HMCN1: variants seen among roughly 807,000 people sequenced by gnomAD.
The protein encoded by HMCN1 is hemicentin-1.
A neutral mutation model predicts 625.9 loss-of-function variants in HMCN1; 321 were observed. The ratio of observed to expected loss-of-function variants is 0.51; its 90% CI spans 0.47 to 0.56. The LOEUF (loss-of-function observed/expected upper bound fraction) is 0.56. HMCN1 is among the 20% of genes least tolerant of loss of function. HMCN1 has a pLI of 0.00. For synonymous variants in HMCN1, 2,425 were observed against 2,417.6 expected (o/e 1.00, Z -0.09); for missense variants, 6,588 against 6,887.3 (o/e 0.96, Z 1.54).
intron 78 of HMCN1, 152 bp downstream of exon 78, chr1:186,119,450 T>TA: frequency 1.4e-6 from 1 of 732,654 alleles, no homozygotes; most frequent in Non-Finnish European, 2.4e-6. Flanking sequence ...TTTAATAGGC[T>TA]AAAAAAGGCA....
chr1:185,914,854 A>G (rs905911855), intron 6 of HMCN1, among the ~76,000 whole-genome samples: 5 of 151,956 alleles, frequency 3.3e-5, no homozygotes, highest in Admixed American at 1.3e-4. Flanking sequence ...TCTATAGACC[A>G]GATTTTGCCA....
chr1:186,096,065 A>G (rs561592389), intron 68 of HMCN1, among the ~76,000 whole-genome samples: 1 of 152,176 alleles, frequency 6.6e-6, no homozygotes, highest in South Asian at 2.1e-4. Flanking sequence ...ACCTTGGAAG[A>G]GAAAGTAAGA....
At chr1:185,798,164 C>T (rs1452931488) in intron 1 of HMCN1, among the ~76,000 whole-genome samples, 13 of 151,958 alleles carry the variant, frequency 8.6e-5, no homozygotes, top group Admixed American at 8.5e-4. Flanking sequence ...TTTGTGAAGC[C>T]TAGTTTAGCA....
intron 58 of HMCN1, 150 bp downstream of exon 58, chr1:186,086,557 A>G: frequency 1.3e-6 from 1 of 785,998 alleles, no homozygotes; most frequent in South Asian, 1.7e-5. Context: ...TGTGGTCATT[A>G]AGGTAAGATT....
intron 16 of HMCN1, among the ~76,000 whole-genome samples, chr1:185,978,324 G>C (rs1651373772): frequency 6.6e-6 from 1 of 152,034 alleles, no homozygotes; most frequent in Non-Finnish European, 1.5e-5. Flanking sequence ...TGTATAGAAA[G>C]ATAAAATATT....
intron 58 of HMCN1, among the ~76,000 whole-genome samples, chr1:186,086,774 GTAGATAGATAGATAGATAGATGA>G (rs372264102): frequency 0.013 from 1,573 of 125,022 alleles, 19 homozygotes; most frequent in African/African-American, 0.023. Flanking sequence ...AGATAGATAG[GTAGATAGATAGATAGATAGATGA>G]TAGATAGATA....
rs1571758029 is a variant in HMCN1, at chr1:186,038,124, A to G, written c.5851+89A>G. ...TTTTGAGCATAATATACTAATTACT[A>G]GTAAAGAACAGGTTATAGAATACAT... On this transcript the variant is annotated intron_variant, in intron 37 of 106. Transcript: ENST00000271588. 61 of 786,276 alleles carry G rather than the reference A, an allele frequency of 7.8e-5. No homozygotes were observed. In the East Asian group the frequency reaches 1.5e-3, roughly 19 times the overall value. The allele number at this position is 786,276 out of a possible 1,614,324, so 48.7% of individuals were successfully genotyped here.
chr1:186,125,533 T>C, intron 81 of HMCN1, 71 bp from the exon 82 acceptor site: 2 of 1,213,910 alleles, frequency 1.6e-6, no homozygotes, highest in Non-Finnish European at 2.4e-6. Context: ...TTTTATGTGT[T>C]AATTTTTATT....
chr1:186,007,634 TGAAGTTG>T (rs1653729381), intron 30 of HMCN1, among the ~76,000 whole-genome samples: 1 of 152,148 alleles, frequency 6.6e-6, no homozygotes, highest in Admixed American at 6.5e-5. Flanking sequence ...TGAAATAGAA[TGAAGTTG>T]ATGATATGCA....
chr1:185,849,909 G>T, intron 2 of HMCN1, among the ~76,000 whole-genome samples: 1 of 150,106 alleles, frequency 6.7e-6, no homozygotes. Context: ...TTTACTATTT[G>T]CTTTTCTCTG....
In HMCN1 at chr1:186,022,924, A is replaced by G. The variant is rs572824501; in HGVS notation, c.5626-106A>G. 41 of 1,147,528 alleles carry G rather than the reference A, an allele frequency of 3.6e-5. No individual in the cohort carries two copies. The African/African-American group carries it at 4.5e-4, about 13-fold the overall frequency. The allele number at this position is 1,147,528 out of a possible 1,614,324, so 71.1% of individuals were successfully genotyped here. On this transcript the variant is annotated intron_variant, in intron 35 of 106. Transcript: ENST00000271588. ...GGTTTATTAAGATATTGGCATGAAA[A>G]TATTGTTAGATATTATAAATTTAAA... is the stretch of plus-strand genomic sequence containing the variant.
chr1:185,958,000 T>C (rs1053821947), intron 11 of HMCN1, among the ~76,000 whole-genome samples: 1 of 152,204 alleles, frequency 6.6e-6, no homozygotes, highest in African/African-American at 2.4e-5. Context: ...TTATTGAAAT[T>C]TCTAGTAAAT....
intron 24 of HMCN1, among the ~76,000 whole-genome samples, chr1:185,995,573 G>A (rs548887040): frequency 3.5e-4 from 54 of 152,196 alleles, no homozygotes; most frequent in African/African-American, 1.2e-3. Context: ...ATGTTTAGGC[G>A]GTGATGAGAA....
At chr1:186,137,059 G>A in intron 87 of HMCN1, 122 bp downstream of exon 87, 2 of 1,199,352 alleles carry the variant, frequency 1.7e-6, no homozygotes, top group South Asian at 2.5e-5. Flanking sequence ...ATGATGGGGA[G>A]AGGACAAAAT....
At chr1:185,994,625 G>C (rs2102041940) in intron 23 of HMCN1, among the ~76,000 whole-genome samples, 190 bp from the exon 24 acceptor site, 1 of 152,074 alleles carries the variant, frequency 6.6e-6, no homozygotes. Flanking sequence ...GATTATCAAG[G>C]AAACAGGCCT....
At chr1:185,963,096 ATT>A (rs1212697976) in intron 12 of HMCN1, among the ~76,000 whole-genome samples, 1 of 152,112 alleles carries the variant, frequency 6.6e-6, no homozygotes, top group African/African-American at 2.4e-5. Flanking sequence ...CATTACTTCC[ATT>A]TTTGCCAAAC....
intron 46 of HMCN1, 109 bp downstream of exon 46, chr1:186,057,510 G>C: frequency 1.3e-6 from 1 of 786,584 alleles, no homozygotes; most frequent in Non-Finnish European, 2.2e-6. Flanking sequence ...TTAACCTACT[G>C]CTTACTGTAA....
At chr1:185,839,849 C>A (rs925781445) in intron 1 of HMCN1, among the ~76,000 whole-genome samples, 1 of 151,952 alleles carries the variant, frequency 6.6e-6, no homozygotes, top group Non-Finnish European at 1.5e-5. Context: ...AAAGTTATAC[C>A]CCTTATTGTT....
chr1:186,136,538 A>T, intron 86 of HMCN1, 130 bp from the exon 87 acceptor site: 1 of 799,388 alleles, frequency 1.3e-6, no homozygotes, highest in Non-Finnish European at 2.1e-6. Context: ...CTATAATCTT[A>T]GTTGGGAAGC....
Sources: allele counts gnomAD v4.1 joint callset (sites outside exome capture counted in the v4.1 genomes callset), GRCh38; gene constraint gnomAD v4.1.1; transcripts MANE v1.5; gene names NCBI Gene and HGNC (gene_info 2026-07-23, HGNC 2026-07-21).